The following RHBG variants were observed in gnomAD, a reference collection of about 807,000 sequenced individuals.
RHBG encodes the protein ammonium transporter Rh type B.
In RHBG, 39 loss-of-function variants were observed where a neutral mutation model predicts 40.1. The ratio of observed to expected loss-of-function variants is 0.97; its 90% CI spans 0.75 to 1.27. RHBG has a LOEUF of 1.27. Among genes scored for constraint, RHBG ranks in the 50% most tolerant of loss-of-function variants. RHBG has a pLI of 0.00. For missense variants in RHBG, 549 were observed against 588.1 expected (o/e 0.93, Z 0.69); for synonymous variants, 237 against 252.5 (o/e 0.94, Z 0.58).
chr1:156,381,912 C>G lies in RHBG; in HGVS notation c.947C>G (p.Thr316Ser). Residue 316 changes from threonine (T) to serine (S), a missense_variant, in exon 6 of 10, where the codon ACT becomes AGT. Physicochemically the swap from Thr to Ser is moderately conservative, Grantham distance 58. Coordinates refer to ENST00000537040, the MANE Select transcript of RHBG (RefSeq NM_020407.5). ...CTGGCAGCTGGCTTCTTGGCTGGGACTGTCTCCACGCTGGGGTACAAGTTC... is the reference window on the plus strand; with the variant it reads ...CTGGCAGCTGGCTTCTTGGCTGGGAGTGTCTCCACGCTGGGGTACAAGTTC... ...GALAAGFLAGTVSTLGYKFFT... is the reference protein window; with the variant it reads ...GALAAGFLAGSVSTLGYKFFT... 3.7e-6 allele frequency: 6 copies of G among 1,610,750 alleles called. No homozygotes were observed. Among genetic ancestry groups the G allele is most frequent in the Non-Finnish European group, 5.1e-6 (6 of 1,179,318 alleles).
chr1:156,377,509 AGCTCC>A lies in RHBG; in HGVS notation c.374+23_374+27del. The A allele has an allele frequency of 1.3e-6, 2 of 1,596,892 alleles. No individual in the cohort carries two copies. Among genetic ancestry groups the A allele is most frequent in the Non-Finnish European group, 1.7e-6 (2 of 1,166,882 alleles). The stretch of plus-strand genomic sequence containing the variant: ...AGAGGTGGGCAGCCGCCACCCACCC[AGCTCC>A]CCAAGGTTCACTCGGGAGGCCCCTG... On this transcript the variant is annotated intron_variant, in intron 2 of 9. Coordinates refer to ENST00000537040, the MANE Select transcript of RHBG (RefSeq NM_020407.5). The surrounding 1 kb of genome is among the most constrained non-coding windows in gnomAD (Gnocchi z 4.6).
rs1666692500 is a variant in RHBG at position 156,369,442 on chromosome 1, T to G, written c.187+6T>G. 6.2e-7 allele frequency: 1 copy of G among 1,603,678 alleles called. No individual in the cohort carries two copies. The highest frequency in any genetic ancestry group is 1.3e-5 in the African/African-American group (1 of 74,600). On this transcript the variant is annotated splice_donor_region_variant and intron_variant, in intron 1 of 9. Coordinates refer to ENST00000537040, the MANE Select transcript of RHBG (RefSeq NM_020407.5). ...ATTTTACTTTCGCTACCCAAGTGAG[T>G]GCGGGGTGAGGGCGCGCGGGAAGCA... is the stretch of plus-strand genomic sequence containing the variant.
At chr1:156,384,707 T>C in intron 9 of RHBG, 70 bp from the exon 10 acceptor site, 2 of 1,563,016 alleles carry the variant, frequency 1.3e-6, no homozygotes, top group Non-Finnish European at 1.8e-6. Flanking sequence ...TCCTCTGGGG[T>C]ACACCCCTGA....
chr1:156,381,811 C>A lies in RHBG; in HGVS notation c.846C>A (p.His282Gln). Residue 282 changes from histidine (H) to glutamine (Q), a missense_variant, in exon 6 of 10, where the codon CAC becomes CAA. By Grantham distance (24) the His-to-Gln change is conservative. Around this residue, in one of 3 missense-constraint regions of RHBG, gnomAD observed 399 missense variants for 417.0 expected, o/e 0.96. Coordinates refer to ENST00000537040, the MANE Select transcript of RHBG (RefSeq NM_020407.5). ...ACACCTTGCTCTTCCCTTAGGTCCA[C>A]ATCCAAAATGCAGCGCTGGCTGGAG... ...VGEDGRLDMV[H>Q]IQNAALAGGV... The A allele has an allele frequency of 6.3e-7, 1 of 1,583,434 alleles. No individual in the cohort carries two copies. Among genetic ancestry groups the A allele is most frequent in the Non-Finnish European group, 8.5e-7 (1 of 1,172,280 alleles).
In RHBG at chr1:156,369,328, GCCGTCCTC is replaced by G. The variant is rs1557791890; in HGVS notation, c.80_87del (p.Ala27ValfsTer23). Reference sequence around the variant, plus strand: ...GTGCCTCTTCCTCCAGGGCGCCACTGCCGTCCTCTTTGCTGTCTTTGTCCGCTACAACC... The same window carrying G: ...GTGCCTCTTCCTCCAGGGCGCCACTGTTTGCTGTCTTTGTCCGCTACAACC... On this transcript the variant is annotated frameshift_variant, in exon 1 of 10. Transcript: ENST00000537040. LOFTEE classifies it high-confidence loss of function. 1 of 1,614,220 alleles carries G rather than the reference GCCGTCCTC, an allele frequency of 6.2e-7. No individual in the cohort carries two copies. Among genetic ancestry groups the G allele is most frequent in the East Asian group, 2.2e-5 (1 of 44,886 alleles).
rs748956574 is a variant in RHBG, at chr1:156,378,417, C to T, written c.673+18C>T. The T allele has an allele frequency of 1.2e-5, 19 of 1,574,514 alleles. No homozygotes were observed. The highest frequency in any genetic ancestry group is 1.6e-5 in the Non-Finnish European group (18 of 1,157,864). ...CATGATTGGTGAGGCCTTCGAGGTG[C>T]GGTAGCAGGGCAGGGGGCTGGTCTG... On this transcript the variant is annotated intron_variant, in intron 4 of 9. Transcript: ENST00000537040.
intron 1 of RHBG, among the ~76,000 whole-genome samples, chr1:156,372,408 G>T (rs1315595946): frequency 6.6e-6 from 1 of 152,232 alleles, no homozygotes; most frequent in South Asian, 2.1e-4. Flanking sequence ...AGGGGAAAGA[G>T]CCAGGGCTAA....
chr1:156,381,159 C>G (rs1465140916), intron 4 of RHBG, among the ~76,000 whole-genome samples, 188 bp from the exon 5 acceptor site: 1 of 152,204 alleles, frequency 6.6e-6, no homozygotes, highest in Non-Finnish European at 1.5e-5. Flanking sequence ...GCCTCGGCCT[C>G]CCAAAGTGCT....
At chr1:156,380,396 CG>C (rs1275735592) in intron 4 of RHBG, among the ~76,000 whole-genome samples, 2 of 151,932 alleles carry the variant, frequency 1.3e-5, no homozygotes, top group Non-Finnish European at 2.9e-5. Flanking sequence ...CCACTGTGCC[CG>C]GCCTTCTTTA....
chr1:156,374,587 A>ATTTTT (rs34071665), intron 1 of RHBG: 64 of 381,368 alleles, frequency 1.7e-4, no homozygotes, highest in Non-Finnish European at 2.3e-4. Flanking sequence ...ACAGGATTCC[A>ATTTTT]TTTTTTTTTT....
At chr1:156,384,114 G>A (rs1243330565) in intron 8 of RHBG, among the ~76,000 whole-genome samples, 2 of 152,158 alleles carry the variant, frequency 1.3e-5, no homozygotes, top group East Asian at 1.9e-4. Context: ...GATTATAGGC[G>A]TGAGCCACTG....
In RHBG at chr1:156,378,281, C is replaced by T. The variant is rs776032239; in HGVS notation, c.555C>T (p.Ile185=). 1 of 1,614,054 alleles carries T rather than the reference C, an allele frequency of 6.2e-7. No individual in the cohort carries two copies. Among genetic ancestry groups the T allele is most frequent in the Non-Finnish European group, 8.5e-7 (1 of 1,180,008 alleles). The change falls in exon 4 of 10, where the codon ATC becomes ATT. Residue 185 remains isoleucine, a synonymous_variant. Coordinates refer to ENST00000537040, the MANE Select transcript of RHBG (RefSeq NM_020407.5). The stretch of plus-strand genomic sequence containing the variant: ...GAGATGCCGGAGGCTCCATGACTAT[C>T]CACACCTTTGGTGCCTACTTCGGGC... ...GVRDAGGSMT[I]HTFGAYFGLV...
intron 4 of RHBG, 120 bp downstream of exon 4, chr1:156,378,519 C>T: frequency 8.3e-7 from 1 of 1,208,594 alleles, no homozygotes; most frequent in Non-Finnish European, 1.2e-6. Context: ...ATTCACTTCC[C>T]ATTTGGATTC....
Position 156,384,594 on chromosome 1 carries a change from C to T in RHBG, c.1302C>T (p.His434=). The T allele has an allele frequency of 6.4e-7, 1 of 1,574,076 alleles. No homozygotes were observed. The highest frequency in any genetic ancestry group is 8.6e-7 in the Non-Finnish European group (1 of 1,157,654). ...PDSQHYEDQV[H]WQVPGEHEDK... ...CCCAGCACTACGAGGACCAAGTTCA[C>T]TGGCAGGTGAGACATTGCTGGGCTC... is the stretch of plus-strand genomic sequence containing the variant. Residue 434 remains histidine (H), a synonymous_variant, in exon 9 of 10, where the codon CAC becomes CAT. Coordinates refer to ENST00000537040, the MANE Select transcript of RHBG (RefSeq NM_020407.5).
chr1:156,377,911 C>G lies in RHBG; in HGVS notation c.375-79C>G. ...CACCCCACCCACCACATCATGCTGTCCTGGCTTCATGCCAGGCAGGAACCC... is the reference window on the plus strand; with the variant it reads ...CACCCCACCCACCACATCATGCTGTGCTGGCTTCATGCCAGGCAGGAACCC... On this transcript the variant is annotated intron_variant, in intron 2 of 9. Coordinates refer to ENST00000537040, the MANE Select transcript of RHBG (RefSeq NM_020407.5). This position sits in a 1 kb window ranked among gnomAD's most constrained non-coding sequence, Gnocchi z 4.6. 1 of 1,140,832 alleles carries G rather than the reference C, an allele frequency of 8.8e-7. No individual in the cohort carries two copies. Among genetic ancestry groups the G allele is most frequent in the Non-Finnish European group, 1.2e-6 (1 of 807,132 alleles). The allele number at this position is 1,140,832 out of a possible 1,614,324, so 70.7% of individuals were successfully genotyped here.
At chr1:156,371,233 C>T (rs985822003) in intron 1 of RHBG, 2 of 385,000 alleles carry the variant, frequency 5.2e-6, no homozygotes, top group South Asian at 3.8e-5. Context: ...AATCTCGGCT[C>T]ACTGCAACCT....
chr1:156,377,249 G>T lies in RHBG; in HGVS notation c.188-52G>T. On this transcript the variant is annotated intron_variant, in intron 1 of 9. Transcript: ENST00000537040. The surrounding 1 kb of genome is among the most constrained non-coding windows in gnomAD (Gnocchi z 4.6). ...TGGCAGGGTAGCTGACTGGATTGTG[G>T]GCTATGGCTAGAGCAGCCCCCAAGT... The T allele has an allele frequency of 6.4e-7, 1 of 1,571,156 alleles. No individual in the cohort carries two copies.
rs535298422 is a variant in RHBG, at chr1:156,377,892, A to C, written c.375-98A>C. ...CTCTCCAGAACTCCAACCCCACCCC[A>C]CCCACCACATCATGCTGTCCTGGCT... On this transcript the variant is annotated intron_variant, in intron 2 of 9. Transcript: ENST00000537040. The surrounding 1 kb of genome is among the most constrained non-coding windows in gnomAD (Gnocchi z 4.6). 127 of 914,382 alleles carry C rather than the reference A, an allele frequency of 1.4e-4. No homozygotes were observed. Among genetic ancestry groups the C allele is most frequent in the Non-Finnish European group, 1.8e-4 (112 of 612,528 alleles). The allele number at this position is 914,382 out of a possible 1,614,324, so 56.6% of individuals were successfully genotyped here.
chr1:156,382,881 T>C lies in RHBG; in HGVS notation c.1234+12T>C. On this transcript the variant is annotated intron_variant, in intron 8 of 9. Coordinates refer to ENST00000537040, the MANE Select transcript of RHBG (RefSeq NM_020407.5). ...CGGGGGCCTTGGAGGTGAGTAACCT[T>C]GGATTTTCTAGAGGAAGGGGCATGG... The C allele has an allele frequency of 6.2e-7, 1 of 1,614,166 alleles. No individual in the cohort carries two copies. Among genetic ancestry groups the C allele is most frequent in the Non-Finnish European group, 8.5e-7 (1 of 1,180,016 alleles).
Sources: allele counts gnomAD v4.1 joint callset (sites outside exome capture counted in the v4.1 genomes callset), GRCh38; gene constraint gnomAD v4.1.1; regional missense constraint gnomAD v4.1.1; non-coding constraint Gnocchi (gnomAD v3.1); transcripts MANE v1.5; gene names NCBI Gene and HGNC (gene_info 2026-07-23, HGNC 2026-07-21).